Variants in PKNOX2 observed in about 807,000 individuals in gnomAD.
PKNOX2 encodes homeobox protein PKNOX2.
Under a neutral mutation model 53.1 loss-of-function variants are expected in PKNOX2, and 14 were observed. That is an observed-to-expected ratio of 0.26 (90% CI 0.17 to 0.41). PKNOX2 has a LOEUF of 0.41. Among genes scored for constraint, PKNOX2 ranks in the 10% least tolerant of loss-of-function variants. PKNOX2 has a pLI of 1.00. For synonymous variants in PKNOX2, 257 were observed against 242.8 expected, an observed-to-expected ratio of 1.06 and a Z score of -0.54; for missense variants, 496 against 602.8, an observed-to-expected ratio of 0.82 and a Z score of 1.85.
In PKNOX2 at chr11:125,352,230, C is replaced by A. The variant is rs963310663; in HGVS notation, c.87+838C>A. On this transcript the variant is annotated intron_variant, in intron 4 of 12. Transcript: ENST00000298282. The surrounding 1 kb of genome is among the most constrained non-coding windows in gnomAD (Gnocchi z 4.1). ...TTCGAGTTTTGTGTCTGTGCTTTCA[C>A]AGAAGCCTTCATTCTCTGACCCTTC... is the stretch of plus-strand genomic sequence containing the variant. Among the ~76,000 whole-genome samples the A allele has an allele frequency of 3.3e-5, 5 of 152,234 alleles. No homozygotes were observed. Among genetic ancestry groups the A allele is most frequent in the African/African-American group, 1.2e-4 (5 of 41,456 alleles).
chr11:125,308,137 A>C (rs906505857), intron 2 of PKNOX2, among the ~76,000 whole-genome samples: 3 of 151,936 alleles, frequency 2.0e-5, no homozygotes, highest in Admixed American at 2.0e-4. Context: ...GTCCCGGGAG[A>C]CCCCTGGCCA....
At chr11:125,335,626 A>C (rs1950398504) in intron 3 of PKNOX2, among the ~76,000 whole-genome samples, 1 of 152,184 alleles carries the variant, frequency 6.6e-6, no homozygotes, top group Non-Finnish European at 1.5e-5. Context: ...TATGCACAAA[A>C]TAGTTCTTAT....
intron 2 of PKNOX2, among the ~76,000 whole-genome samples, chr11:125,321,460 C>T (rs963862803): frequency 9.9e-5 from 15 of 152,174 alleles, no homozygotes; most frequent in African/African-American, 3.4e-4. Context: ...AATGTAAATG[C>T]TATGTAAATA....
chr11:125,388,390 G>A (rs541807736), intron 6 of PKNOX2, among the ~76,000 whole-genome samples: 15 of 152,148 alleles, frequency 9.9e-5, no homozygotes, highest in Admixed American at 3.9e-4. Flanking sequence ...CTCTTTATCC[G>A]GACAGATATA....
intron 2 of PKNOX2, among the ~76,000 whole-genome samples, chr11:125,323,685 G>A (rs182765574): frequency 6.6e-6 from 1 of 152,188 alleles, no homozygotes; most frequent in African/African-American, 2.4e-5. Context: ...AATTTCTCCT[G>A]GAAGGCATGG....
chr11:125,234,101 A>G (rs988136866), intron 1 of PKNOX2, among the ~76,000 whole-genome samples: 5 of 151,894 alleles, frequency 3.3e-5, no homozygotes, highest in African/African-American at 1.2e-4. Flanking sequence ...CCTCCCTCCC[A>G]CCAGCCAATT....
intron 2 of PKNOX2, among the ~76,000 whole-genome samples, chr11:125,281,733 G>A (rs1194917028): frequency 6.6e-6 from 1 of 152,168 alleles, no homozygotes; most frequent in African/African-American, 2.4e-5. Flanking sequence ...CCAGCCGGGG[G>A]ACAACCACAG....
intron 7 of PKNOX2, among the ~76,000 whole-genome samples, chr11:125,404,023 AG>A (rs1954917417): frequency 6.6e-6 from 1 of 151,930 alleles, no homozygotes; most frequent in Non-Finnish European, 1.5e-5. Flanking sequence ...CGGAAGGGGT[AG>A]GGGGCCATCA....
chr11:125,346,698 C>A (rs990133049), intron 3 of PKNOX2, among the ~76,000 whole-genome samples: 19 of 151,786 alleles, frequency 1.3e-4, no homozygotes, highest in Non-Finnish European at 1.3e-4. Flanking sequence ...GGAGGACAGA[C>A]AAGAAGCATT....
chr11:125,286,473 G>T (rs147720730), intron 2 of PKNOX2, among the ~76,000 whole-genome samples: 1 of 152,336 alleles, frequency 6.6e-6, no homozygotes, highest in African/African-American at 2.4e-5. Flanking sequence ...TTCAAAGTAA[G>T]TTTTGCTAGC....
chr11:125,377,346 G>A (rs888265368), intron 5 of PKNOX2, among the ~76,000 whole-genome samples: 3 of 152,160 alleles, frequency 2.0e-5, no homozygotes, highest in Admixed American at 6.5e-5. Context: ...GTGAGGGCTC[G>A]GAGGAGGCGA....
chr11:125,336,511 A>G (rs1227959906), intron 3 of PKNOX2, among the ~76,000 whole-genome samples: 1 of 149,208 alleles, frequency 6.7e-6, no homozygotes, highest in African/African-American at 2.4e-5. Context: ...TATACACCAT[A>G]TATAATATAT....
At chr11:125,379,339 A>G (rs1953076375) in intron 5 of PKNOX2, among the ~76,000 whole-genome samples, 1 of 152,220 alleles carries the variant, frequency 6.6e-6, no homozygotes. Context: ...TGGGGATTAC[A>G]GGCGTGAGCC....
intron 3 of PKNOX2, among the ~76,000 whole-genome samples, chr11:125,335,998 G>C (rs923630928): frequency 6.6e-6 from 1 of 152,170 alleles, no homozygotes; most frequent in African/African-American, 2.4e-5. Flanking sequence ...TAAATGTTAT[G>C]TTTTAAATAT....
intron 1 of PKNOX2, among the ~76,000 whole-genome samples, chr11:125,167,371 C>A (rs1055095761): frequency 7.9e-5 from 12 of 152,160 alleles, no homozygotes; most frequent in Non-Finnish European, 1.5e-4. Flanking sequence ...CGGCCCGGGG[C>A]GCGGCGACTG....
chr11:125,208,242 T>C (rs561275325), intron 1 of PKNOX2, among the ~76,000 whole-genome samples: 1 of 152,196 alleles, frequency 6.6e-6, no homozygotes, highest in East Asian at 1.9e-4. Flanking sequence ...CAGGTAAATT[T>C]GGAGCATAGT....
chr11:125,297,833 G>A (rs1299526073), intron 2 of PKNOX2, among the ~76,000 whole-genome samples: 3 of 152,138 alleles, frequency 2.0e-5, no homozygotes, highest in Non-Finnish European at 2.9e-5. Flanking sequence ...TCCTCGCCAG[G>A]ATGAGCCTGG....
At chr11:125,341,151 G>A (rs1200482903) in intron 3 of PKNOX2, among the ~76,000 whole-genome samples, 1 of 150,876 alleles carries the variant, frequency 6.6e-6, no homozygotes, top group East Asian at 1.9e-4. Flanking sequence ...CACATCAAGA[G>A]ACCGAGACCA....
intron 2 of PKNOX2, among the ~76,000 whole-genome samples, chr11:125,284,078 C>T (rs542166592): frequency 3.6e-4 from 55 of 152,294 alleles, no homozygotes; most frequent in African/African-American, 1.2e-3. Flanking sequence ...GTCTCTCCAT[C>T]GGTAGATGGA....
Sources: allele counts gnomAD v4.1 joint callset (sites outside exome capture counted in the v4.1 genomes callset), GRCh38; gene constraint gnomAD v4.1.1; non-coding constraint Gnocchi (gnomAD v3.1); transcripts MANE v1.5; gene names NCBI Gene and HGNC (gene_info 2026-07-23, HGNC 2026-07-21).